ADAM10: variants seen among roughly 807,000 people sequenced by gnomAD.
ADAM10 encodes ADAM metallopeptidase domain 10.
In ADAM10, 17 loss-of-function variants were observed where a neutral mutation model predicts 90.1. That is an observed-to-expected ratio of 0.19 (90% CI 0.13 to 0.28). The LOEUF is 0.28. ADAM10 is among the 10% of genes least tolerant of loss of function. The pLI is 1.00. For synonymous variants in ADAM10, 310 were observed against 298.6 expected, an observed-to-expected ratio of 1.04 and a Z score of -0.40; for missense variants, 610 against 914.3, an observed-to-expected ratio of 0.67 and a Z score of 4.29.
intron 2 of ADAM10, among the ~76,000 whole-genome samples, chr15:58,705,100 T>C (rs1310917962): frequency 2.6e-5 from 4 of 152,204 alleles, no homozygotes; most frequent in African/African-American, 7.2e-5. Flanking sequence ...CAAAAAACTC[T>C]CTTTGATTTT....
In ADAM10 at chr15:58,590,334, T is replaced by C. The variant is rs1308459686; in HGVS notation, c.*7213A>G. On this transcript the variant is annotated 3_prime_UTR_variant, in exon 16 of 16. Transcript: ENST00000260408. Reference sequence around the variant, plus strand: ...TATTCACATGATTATCTGATATCTATCTCACCTACAAGACCATACGCTTCA... The same window carrying C: ...TATTCACATGATTATCTGATATCTACCTCACCTACAAGACCATACGCTTCA... 6.6e-6 allele frequency: 1 copy of C among 152,256 alleles called. No homozygotes were observed. The highest frequency in any genetic ancestry group is 1.5e-5 in the Non-Finnish European group (1 of 68,062). 9.4% of individuals were successfully genotyped at this position (152,256 alleles called of 1,614,324 possible). A position where few individuals can be genotyped will look rare whatever the true frequency, so the allele number is the denominator to read the frequency against.
intron 15 of ADAM10, among the ~76,000 whole-genome samples, chr15:58,598,642 T>C (rs1363582951): frequency 6.6e-6 from 1 of 152,222 alleles, no homozygotes; most frequent in African/African-American, 2.4e-5. Context: ...TGTCATTTAG[T>C]TCTGGCTCTC....
rs1357965744 is a variant in ADAM10, at chr15:58,646,164, A to G, written c.626T>C (p.Leu209Pro). 7 of 1,613,420 alleles carry G rather than the reference A, an allele frequency of 4.3e-6. No individual in the cohort carries two copies. Among genetic ancestry groups the G allele is most frequent in the Non-Finnish European group, 4.2e-6 (5 of 1,179,834 alleles). Reference protein sequence around the residue: ...EEHAANGPELLRKKRTTSAEK... With the variant: ...EEHAANGPELPRKKRTTSAEK... Reference sequence around the variant, plus strand: ...AGCTGAAGTTGTACGTTTTTTCCTCAGAAGTTCTGGACCATTAGCAGCATG... The same window carrying G: ...AGCTGAAGTTGTACGTTTTTTCCTCGGAAGTTCTGGACCATTAGCAGCATG... The change falls in exon 6 of 16, where the codon CTG (leucine) becomes CCG (proline). Residue 209 changes from leucine to proline, a missense_variant. Coordinates refer to ENST00000260408, the MANE Select transcript of ADAM10 (RefSeq NM_001110.4).
chr15:58,713,544 C>G (rs146080281), intron 2 of ADAM10, among the ~76,000 whole-genome samples: 1 of 152,308 alleles, frequency 6.6e-6, no homozygotes, highest in East Asian at 1.9e-4. Context: ...AATGCCATAA[C>G]TGACATATAT....
At chr15:58,749,184 G>C (rs1899892880) in intron 1 of ADAM10, 1 of 406,004 alleles carries the variant, frequency 2.5e-6, no homozygotes, top group Non-Finnish European at 4.3e-6. Context: ...CAGGCGACGC[G>C]GATGCCCCGA....
intron 1 of ADAM10, among the ~76,000 whole-genome samples, chr15:58,740,086 C>G (rs1899556548): frequency 6.6e-6 from 1 of 152,182 alleles, no homozygotes. Context: ...AGACACAGAT[C>G]AGTAACTTAA....
At chr15:58,682,443 T>C in intron 2 of ADAM10, 129 bp from the exon 3 acceptor site, 2 of 1,398,178 alleles carry the variant, frequency 1.4e-6, no homozygotes, top group Non-Finnish European at 1.9e-6. Context: ...TGAAATACGC[T>C]GACCAAGATT....
At chr15:58,707,800 G>A (rs1567005796) in intron 2 of ADAM10, among the ~76,000 whole-genome samples, 2 of 152,214 alleles carry the variant, frequency 1.3e-5, no homozygotes, top group Non-Finnish European at 2.9e-5. Context: ...TTAAGGGCCT[G>A]GTGCAGTGGC....
At position 58,597,650 on chromosome 15, in the gene ADAM10, C is replaced by A; in HGVS notation, c.2153-9G>T. ...CCTCCTCTTTAAAGTGCCTGTGAGC[C>A]ACAAATAAAAGCAAAGCAGATTTAT... On this transcript the variant is annotated splice_polypyrimidine_tract_variant and intron_variant, in intron 15 of 15. Transcript: ENST00000260408. 1 of 1,613,740 alleles carries A rather than the reference C, an allele frequency of 6.2e-7. No individual in the cohort carries two copies. Among genetic ancestry groups the A allele is most frequent in the Non-Finnish European group, 8.5e-7 (1 of 1,179,938 alleles).
intron 1 of ADAM10, among the ~76,000 whole-genome samples, chr15:58,722,325 A>G (rs891536900): frequency 2.6e-5 from 4 of 152,138 alleles, no homozygotes; most frequent in Admixed American, 2.0e-4. Flanking sequence ...CTGGGCAAGA[A>G]GAGCAAAACT....
intron 8 of ADAM10, among the ~76,000 whole-genome samples, chr15:58,636,238 C>A (rs1240607803): frequency 6.6e-6 from 1 of 150,484 alleles, no homozygotes; most frequent in Non-Finnish European, 1.5e-5. Flanking sequence ...GATCATGCCA[C>A]TGCACTCCAG....
intron 10 of ADAM10, among the ~76,000 whole-genome samples, chr15:58,623,221 C>A (rs1191830796): frequency 6.6e-6 from 1 of 152,116 alleles, no homozygotes; most frequent in Non-Finnish European, 1.5e-5. Context: ...CAATATAAAA[C>A]AGAAGCTTGG....
chr15:58,707,008 CAAAAAAA>C (rs796234312), intron 2 of ADAM10, among the ~76,000 whole-genome samples: 3 of 41,790 alleles, frequency 7.2e-5, no homozygotes, highest in Admixed American at 2.8e-4. Context: ...GACTCCATCT[CAAAAAAA>C]AAAAAAAAAG....
intron 4 of ADAM10, among the ~76,000 whole-genome samples, chr15:58,668,955 C>A (rs563803236): frequency 3.3e-5 from 5 of 152,166 alleles, no homozygotes; most frequent in Admixed American, 2.6e-4. Context: ...ATTGTTTCTA[C>A]GGCAAAGTGT....
At chr15:58,615,276 G>GAAAAAAAA (rs35628107) in intron 11 of ADAM10, among the ~76,000 whole-genome samples, 1 of 84,786 alleles carries the variant, frequency 1.2e-5, no homozygotes, top group Non-Finnish European at 2.4e-5. Flanking sequence ...TCCGTCTGAA[G>GAAAAAAAA]AAAAAAAAAA....
At chr15:58,682,340 A>G in intron 2 of ADAM10, 26 bp from the exon 3 acceptor site, 1 of 1,601,708 alleles carries the variant, frequency 6.2e-7, no homozygotes, top group Non-Finnish European at 8.5e-7. Context: ...GGAAGGGGGA[A>G]CAACTGAAAT....
chr15:58,676,491 T>A (rs1393873928), intron 4 of ADAM10, among the ~76,000 whole-genome samples: 4 of 152,320 alleles, frequency 2.6e-5, no homozygotes, highest in African/African-American at 9.6e-5. Context: ...CCAATTAAAG[T>A]AATTATTAAA....
In ADAM10 at chr15:58,633,156, T is replaced by G. The variant is rs199529723; in HGVS notation, c.1176+40A>C. On this transcript the variant is annotated intron_variant, in intron 9 of 15. Coordinates refer to ENST00000260408, the MANE Select transcript of ADAM10 (RefSeq NM_001110.4). ...AAATCACTCAACATAAAAATTAGAC[T>G]AATAAGTATTTTTTAAGCTAATAAT... 22 of 1,540,724 alleles carry G rather than the reference T, an allele frequency of 1.4e-5. No individual in the cohort carries two copies. The African/African-American group carries it at 2.8e-4, about 19-fold the overall frequency.
At chr15:58,708,071 G>C (rs894871800) in intron 2 of ADAM10, among the ~76,000 whole-genome samples, 1 of 151,254 alleles carries the variant, frequency 6.6e-6, no homozygotes, top group Non-Finnish European at 1.5e-5. Flanking sequence ...AGCGAGACTC[G>C]GTCTCAAAAA....
Sources: gnomAD v4.1 joint callset for allele counts (sites outside exome capture counted in the v4.1 genomes callset) on GRCh38, gnomAD v4.1.1 for gene constraint, MANE v1.5 for transcripts, NCBI Gene and HGNC (gene_info 2026-07-23, HGNC 2026-07-21) for gene names.